The following RBFOX2 variants were observed in gnomAD, a reference collection of about 807,000 sequenced individuals.
The protein encoded by RBFOX2 is RNA binding protein fox-1 homolog 2.
RBFOX2 carries 10 observed loss-of-function variants against 49.1 expected under a neutral mutation model. The ratio of observed to expected loss-of-function variants is 0.20; its 90% CI spans 0.13 to 0.35. The LOEUF is 0.35. Ranked by LOEUF, RBFOX2 falls within the 10% of genes least tolerant of loss-of-function variation. The pLI, the probability that RBFOX2 is intolerant of heterozygous loss-of-function variation, is 1.00. For missense variants in RBFOX2, 323 were observed against 486.9 expected (o/e 0.66, Z 3.17); for synonymous variants, 183 against 187.4 (o/e 0.98, Z 0.19).
chr22:35,784,855 G>C (rs1261533576), intron 2 of RBFOX2, among the ~76,000 whole-genome samples: 2 of 152,246 alleles, frequency 1.3e-5, no homozygotes, highest in Non-Finnish European at 2.9e-5. Context: ...GTTGCCGGCC[G>C]CTGCGGTGGG....
chr22:35,839,513 C>T (rs1458126172), intron 1 of RBFOX2, among the ~76,000 whole-genome samples: 1 of 152,050 alleles, frequency 6.6e-6, no homozygotes, highest in Non-Finnish European at 1.5e-5. Context: ...GAGGTATCTT[C>T]CATTTCCTAC....
intron 1 of RBFOX2, among the ~76,000 whole-genome samples, chr22:35,976,759 T>A (rs1326652339): frequency 6.6e-6 from 1 of 151,962 alleles, no homozygotes; most frequent in African/African-American, 2.4e-5. Context: ...GGTCAGGAGT[T>A]CAAGGCCAGC....
rs971254457 is a variant in RBFOX2 at position 35,975,925 on chromosome 22, G to T, written c.187-37028C>A. Among the ~76,000 whole-genome samples the T allele has an allele frequency of 2.6e-5, 4 of 152,210 alleles. No individual in the cohort carries two copies. In the South Asian group the frequency reaches 8.3e-4, roughly 32 times the overall value. The stretch of plus-strand genomic sequence containing the variant: ...AAGAATATTTATAAATTATGTGAAG[G>T]ATATAAAGAATAACAAAAACATATG... On this transcript the variant is annotated intron_variant, in intron 1 of 13. Coordinates refer to the RBFOX2 transcript ENST00000438146.
At chr22:35,839,932 T>A (rs968900223) in intron 1 of RBFOX2, among the ~76,000 whole-genome samples, 1 of 152,160 alleles carries the variant, frequency 6.6e-6, no homozygotes, top group Admixed American at 6.5e-5. Flanking sequence ...CCCCACAGGG[T>A]CTTTCCTGAG....
chr22:35,918,216 T>C (rs1263459207), intron 1 of RBFOX2, among the ~76,000 whole-genome samples: 2 of 152,202 alleles, frequency 1.3e-5, no homozygotes, highest in Non-Finnish European at 2.9e-5. Flanking sequence ...TCTGGCAAAG[T>C]AGAAAGCCAT....
At chr22:35,904,490 T>G (rs2048915681) in intron 1 of RBFOX2, among the ~76,000 whole-genome samples, 1 of 152,168 alleles carries the variant, frequency 6.6e-6, no homozygotes, top group Non-Finnish European at 1.5e-5. Context: ...TAAATAAAGT[T>G]AGAGTGCTAC....
chr22:35,859,031 A>G (rs912530001), intron 1 of RBFOX2, among the ~76,000 whole-genome samples: 1 of 152,200 alleles, frequency 6.6e-6, no homozygotes, highest in Non-Finnish European at 1.5e-5. Flanking sequence ...GAAGGCCTAC[A>G]AACAGCAAAA....
intron 1 of RBFOX2, among the ~76,000 whole-genome samples, chr22:35,986,003 G>T (rs751372580): frequency 1.6e-4 from 25 of 152,118 alleles, no homozygotes; most frequent in Non-Finnish European, 3.5e-4. Flanking sequence ...TGCTCAGAAA[G>T]AAAATGCAAA....
intron 1 of RBFOX2, among the ~76,000 whole-genome samples, chr22:35,977,840 C>T (rs575814916): frequency 1.2e-3 from 173 of 147,774 alleles, no homozygotes; most frequent in African/African-American, 3.6e-3. Context: ...GTCCCCCTTC[C>T]GTCACAGAGG....
At chr22:35,840,532 A>C (rs1603387523) in exon 1 of RBFOX2, 47 of 1,131,270 alleles carry the variant, frequency 4.2e-5, no homozygotes, top group Middle Eastern at 3.8e-4. Context: ...TCCTCCCCCC[A>C]CCCCCTCCCA....
intron 1 of RBFOX2, among the ~76,000 whole-genome samples, chr22:35,969,163 C>CT (rs1443419063): frequency 1.3e-5 from 2 of 152,176 alleles, no homozygotes; most frequent in Non-Finnish European, 2.9e-5. Context: ...AAAGAGGTAC[C>CT]TGCCTGCCTC....
intron 1 of RBFOX2, among the ~76,000 whole-genome samples, chr22:35,908,756 T>A (rs1301706301): frequency 6.6e-6 from 1 of 152,038 alleles, no homozygotes; most frequent in East Asian, 1.9e-4. Flanking sequence ...AAATACTAGA[T>A]GAAACCTATT....
chr22:35,752,556 A>T, intron 9 of RBFOX2: 1 of 916,854 alleles, frequency 1.1e-6, no homozygotes, highest in Non-Finnish European at 1.3e-6. Flanking sequence ...GTATAATTCA[A>T]TTTTTTCACT....
At chr22:35,927,854 T>G (rs879804916) in intron 1 of RBFOX2, among the ~76,000 whole-genome samples, 8 of 152,160 alleles carry the variant, frequency 5.3e-5, no homozygotes, top group Non-Finnish European at 7.4e-5. Flanking sequence ...TTCTTGGAGA[T>G]GTCCAACAGC....
chr22:35,848,908 A>T (rs1164419326), intron 1 of RBFOX2, among the ~76,000 whole-genome samples: 2 of 152,210 alleles, frequency 1.3e-5, no homozygotes, highest in African/African-American at 4.8e-5. Context: ...TTATTTGAGC[A>T]TGAACATGGT....
chr22:35,967,606 T>A (rs1281524015), intron 1 of RBFOX2, among the ~76,000 whole-genome samples: 1 of 152,218 alleles, frequency 6.6e-6, no homozygotes, highest in Non-Finnish European at 1.5e-5. Flanking sequence ...AATACTAACC[T>A]TAGCTAATAA....
intron 1 of RBFOX2, among the ~76,000 whole-genome samples, chr22:35,818,833 TAAA>T (rs1953779107): frequency 6.6e-6 from 1 of 152,138 alleles, no homozygotes; most frequent in Non-Finnish European, 1.5e-5. Context: ...AGGTTCCAAA[TAAA>T]ACACTGGCAA....
At chr22:35,996,460 C>G (rs1603464036) in intron 1 of RBFOX2, 1 of 152,198 alleles carries the variant, frequency 6.6e-6, no homozygotes, top group Middle Eastern at 3.4e-3. Context: ...TTAAAATCAG[C>G]CAGGCATGGT....
intron 2 of RBFOX2, among the ~76,000 whole-genome samples, chr22:35,804,501 A>G (rs1950338146): frequency 6.6e-6 from 1 of 152,176 alleles, no homozygotes; most frequent in African/African-American, 2.4e-5. Flanking sequence ...AATCAGCAAG[A>G]GAAGAACAAC....
Sources: gnomAD v4.1 joint callset for allele counts (sites outside exome capture counted in the v4.1 genomes callset) on GRCh38, gnomAD v4.1.1 for gene constraint, MANE v1.5 for transcripts, NCBI Gene and HGNC (gene_info 2026-07-23, HGNC 2026-07-21) for gene names.